LOC400499: variants seen among roughly 807,000 people sequenced by gnomAD.
chr16:11,451,718 G>C, the LOC400499 span, among the ~76,000 whole-genome samples: 3 of 152,212 alleles, frequency 2.0e-5, no homozygotes, highest in African/African-American at 7.2e-5. Flanking sequence ...CTAAATGACA[G>C]ACAAGGGGGA....
the LOC400499 span, chr16:11,460,478 T>A: frequency 2.0e-6 from 3 of 1,521,466 alleles, no homozygotes; most frequent in African/African-American, 2.7e-5. Flanking sequence ...GGAACCCACC[T>A]TGTGGCTGAA....
the LOC400499 span, among the ~76,000 whole-genome samples, chr16:11,458,137 G>GA: frequency 6.6e-6 from 1 of 152,244 alleles, no homozygotes; most frequent in African/African-American, 2.4e-5. Context: ...CCGAGGTCAG[G>GA]AGTTTAAGAC....
chr16:11,385,522 G>C, the LOC400499 span: 2 of 769,112 alleles, frequency 2.6e-6, no homozygotes, highest in Admixed American at 4.3e-5. Flanking sequence ...CTTTGGCTTA[G>C]CCTGCCCTGA....
At chr16:11,450,993 G>C in the LOC400499 span, among the ~76,000 whole-genome samples, 7 of 152,332 alleles carry the variant, frequency 4.6e-5, no homozygotes, top group African/African-American at 1.7e-4. Flanking sequence ...ACTCATGACA[G>C]GTGTTTGGAT....
chr16:11,461,244 C>T, the LOC400499 span: 1 of 1,180,344 alleles, frequency 8.5e-7, no homozygotes, highest in South Asian at 1.6e-5. Context: ...CTTGAAGAGC[C>T]AACATGTGCA....
At chr16:11,500,370 G>C in the LOC400499 span, among the ~76,000 whole-genome samples, 32 of 152,116 alleles carry the variant, frequency 2.1e-4, no homozygotes, top group African/African-American at 6.5e-4. Flanking sequence ...ACTTAGCCAG[G>C]TGGGGTGGTG....
At chr16:11,396,925 G>A in the LOC400499 span, among the ~76,000 whole-genome samples, 1 of 152,156 alleles carries the variant, frequency 6.6e-6, no homozygotes, top group African/African-American at 2.4e-5. Flanking sequence ...GCTGCCCCGT[G>A]TTCCTCAAGG....
the LOC400499 span, among the ~76,000 whole-genome samples, chr16:11,381,651 A>G: frequency 1.3e-5 from 2 of 152,324 alleles, no homozygotes; most frequent in East Asian, 3.9e-4. Flanking sequence ...CATGGTAAAG[A>G]TATCTCTAGA....
chr16:11,379,281 C>A, the LOC400499 span, among the ~76,000 whole-genome samples: 18 of 152,276 alleles, frequency 1.2e-4, no homozygotes, highest in Admixed American at 1.2e-3. Context: ...AAGTCTCCTA[C>A]CATTATCGTA....
the LOC400499 span, among the ~76,000 whole-genome samples, chr16:11,407,568 C>G: frequency 6.6e-6 from 1 of 152,234 alleles, no homozygotes; most frequent in African/African-American, 2.4e-5. Context: ...TTCATGCCCT[C>G]CCTGCTATAA....
chr16:11,514,933 C>G, the LOC400499 span, among the ~76,000 whole-genome samples: 2 of 152,264 alleles, frequency 1.3e-5, no homozygotes, highest in African/African-American at 4.8e-5. Context: ...ACTTCTCATC[C>G]TCCTGCAGAT....
the LOC400499 span, among the ~76,000 whole-genome samples, chr16:11,434,335 A>T: frequency 6.6e-6 from 1 of 152,196 alleles, no homozygotes; most frequent in Non-Finnish European, 1.5e-5. Context: ...CAGCCTGAGC[A>T]ACATAGCAAG....
At chr16:11,500,565 T>G in the LOC400499 span, among the ~76,000 whole-genome samples, 99,580 of 150,938 alleles carry the variant, frequency 0.66, 32,939 homozygotes, top group Admixed American at 0.74. Flanking sequence ...GAAGGTTAAA[T>G]CACTTGCCTG....
chr16:11,423,378 C>A, the LOC400499 span: 1 of 397,754 alleles, frequency 2.5e-6, no homozygotes, highest in Non-Finnish European at 4.4e-6. Context: ...GGGCAAATAA[C>A]CCCAAAGAGA....
At chr16:11,456,973 G>A in the LOC400499 span, 84 of 1,536,208 alleles carry the variant, frequency 5.5e-5, 1 homozygote, top group Admixed American at 6.1e-4. Flanking sequence ...ACATAGGGCA[G>A]GCGGAGGCTC....
At chr16:11,435,639 G>A in the LOC400499 span, 8 of 399,206 alleles carry the variant, frequency 2.0e-5, no homozygotes, top group Admixed American at 8.8e-5. Context: ...CTGCCTCCTC[G>A]CAGGCCACCT....
the LOC400499 span, chr16:11,399,637 G>T: frequency 2.0e-4 from 80 of 398,736 alleles, no homozygotes; most frequent in East Asian, 1.6e-3. Context: ...GACCTGGGGG[G>T]CCAGCTGAGA....
At chr16:11,417,705 C>T in the LOC400499 span, 1 of 399,262 alleles carries the variant, frequency 2.5e-6, no homozygotes, top group South Asian at 1.3e-4. Context: ...CACTGTTGTG[C>T]CAGCTCCGGC....
the LOC400499 span, chr16:11,465,611 A>G: frequency 1.3e-5 from 2 of 151,542 alleles, no homozygotes; most frequent in African/African-American, 2.4e-5. Context: ...CACAAAAAAA[A>G]GAAAAAAAGA....
Sources: gnomAD v4.1 joint callset for allele counts (sites outside exome capture counted in the v4.1 genomes callset) on GRCh38, gnomAD v4.1.1 for gene constraint, MANE v1.5 for transcripts.